USP9X: variants seen among roughly 807,000 people sequenced by gnomAD.
USP9X encodes the protein ubiquitin carboxyl-terminal hydrolase 9X.
Under a neutral mutation model 190.3 loss-of-function variants are expected in USP9X, and 7 were observed. The ratio of observed to expected loss-of-function variants is 0.04; its 90% CI spans 0.02 to 0.07. USP9X has a LOEUF of 0.07. Among genes scored for constraint, USP9X ranks in the 10% least tolerant of loss-of-function variants. The pLI is 1.00. For missense variants in USP9X, 1,010 were observed against 1,916.9 expected, an observed-to-expected ratio of 0.53 and a Z score of 8.83; for synonymous variants, 645 against 659.5, an observed-to-expected ratio of 0.98 and a Z score of 0.34.
rs757987895 is a variant in USP9X at position 41,186,525 on chromosome X, A to G, written c.3567A>G (p.Gln1189=). The G allele has an allele frequency of 5.0e-6, 6 of 1,209,765 alleles. No individual in the cohort carries two copies. The East Asian group carries it at 8.9e-5, about 18-fold the overall frequency. The change falls in exon 24 of 45, where the codon CAA becomes CAG. Residue 1189 remains glutamine (Q), a synonymous_variant. Coordinates refer to ENST00000378308, the MANE Select transcript of USP9X (RefSeq NM_001039591.3). Reference sequence around the variant, plus strand: ...TGGTTAACTTTTTTCAGATCAACCAAGTTACCCATGATCAAGCAGTGGTGC... The same window carrying G: ...TGGTTAACTTTTTTCAGATCAACCAGGTTACCCATGATCAAGCAGTGGTGC... ...EGVNPMTQIN[Q]VTHDQAVVLQ...
At chrX:41,090,832 G>C (rs1477900471) in intron 1 of USP9X, among the ~76,000 whole-genome samples, 1 of 110,842 alleles carries the variant, frequency 9.0e-6, no homozygotes, top group African/African-American at 3.3e-5. Context: ...TCAAACACTA[G>C]AAGAGACAGG....
intron 38 of USP9X, among the ~76,000 whole-genome samples, chrX:41,220,467 G>C (rs1267167838): frequency 8.9e-6 from 1 of 112,347 alleles, no homozygotes; most frequent in Non-Finnish European, 1.9e-5. Context: ...TTGGATTTAA[G>C]AAAAGCAAGG....
chrX:41,194,651 T>C (rs1705223084), intron 26 of USP9X, among the ~76,000 whole-genome samples: 3 of 111,996 alleles, frequency 2.7e-5, no homozygotes, highest in Admixed American at 1.9e-4. Context: ...GTGATGTCTA[T>C]AAGATATTCA....
intron 1 of USP9X, among the ~76,000 whole-genome samples, chrX:41,111,111 G>T (rs2146958804): frequency 9.2e-6 from 1 of 108,964 alleles, no homozygotes; most frequent in East Asian, 2.9e-4. Flanking sequence ...CCTCCACCTC[G>T]CAAATTCATA....
rs974758362 is a variant in USP9X, at chrX:41,180,965, A to G, written c.3149-3033A>G. Among the ~76,000 whole-genome samples the G allele has an allele frequency of 2.7e-5, 3 of 111,723 alleles. No individual in the cohort carries two copies. In the Admixed American group the frequency reaches 2.9e-4, roughly 11 times the overall value. ...ATTCTCTCTTTCCCCTCCATTTAAA[A>G]TACATCCAAGAGTGCACAAATGCTA... On this transcript the variant is annotated intron_variant, in intron 21 of 44. Coordinates refer to ENST00000378308, the MANE Select transcript of USP9X (RefSeq NM_001039591.3).
intron 5 of USP9X, 43 bp downstream of exon 5, chrX:41,134,880 G>C: frequency 9.8e-7 from 1 of 1,023,280 alleles, no homozygotes; most frequent in Non-Finnish European, 1.4e-6. Context: ...TTTACATAGT[G>C]ATGCCTGTGA....
At chrX:41,123,285 A>G (rs1264746606) in intron 1 of USP9X, among the ~76,000 whole-genome samples, 186 bp from the exon 2 acceptor site, 1 of 112,179 alleles carries the variant, frequency 8.9e-6, no homozygotes, top group Middle Eastern at 4.6e-3. Flanking sequence ...TATAATGGCC[A>G]GTGTACCAAT....
At chrX:41,142,182 A>G (rs994312871) in intron 9 of USP9X, among the ~76,000 whole-genome samples, 3 of 111,384 alleles carry the variant, frequency 2.7e-5, no homozygotes, top group African/African-American at 9.8e-5. Flanking sequence ...TTTCATACAT[A>G]TGATGTACGT....
chrX:41,174,259 G>A (rs1602000332), intron 21 of USP9X, among the ~76,000 whole-genome samples: 3 of 111,790 alleles, frequency 2.7e-5, no homozygotes, highest in South Asian at 3.7e-4. Context: ...GATGTGCATC[G>A]GTTGTATACA....
At chrX:41,099,122 T>TTA (rs1491020184) in intron 1 of USP9X, among the ~76,000 whole-genome samples, 1 of 77,959 alleles carries the variant, frequency 1.3e-5, no homozygotes, top group East Asian at 3.7e-4. Context: ...TTTTTTTTTT[T>TTA]AAACAGAGAT....
At chrX:41,193,298 A>G (rs2062953707) in intron 26 of USP9X, among the ~76,000 whole-genome samples, 1 of 111,604 alleles carries the variant, frequency 9.0e-6, no homozygotes, top group South Asian at 3.8e-4. Flanking sequence ...TAACTTTGTA[A>G]GTTTATTCTG....
chrX:41,234,097 A>G lies in USP9X; in HGVS notation c.*1573A>G, dbSNP rs1170178023. ...GCATATTAAAATTCATTCTGTGCATAGCATGCCTAGGCATGACACTGATTC... is the reference window on the plus strand; with the variant it reads ...GCATATTAAAATTCATTCTGTGCATGGCATGCCTAGGCATGACACTGATTC... On this transcript the variant is annotated 3_prime_UTR_variant, in exon 45 of 45. Transcript: ENST00000378308. 9.7e-6 allele frequency: 1 copy of G among 103,301 alleles called. No homozygotes were observed. The highest frequency in any genetic ancestry group is 3.0e-4 in the East Asian group (1 of 3,323). The allele number at this position is 103,301 out of a possible 1,213,427, so 8.5% of individuals were successfully genotyped here.
intron 23 of USP9X, among the ~76,000 whole-genome samples, chrX:41,185,775 A>G (rs2062868343): frequency 9.0e-6 from 1 of 111,042 alleles, no homozygotes; most frequent in Non-Finnish European, 1.9e-5. Flanking sequence ...AAACAATTAC[A>G]TGTTTCCACT....
chrX:41,141,526 TTAAAG>T (rs2062422901), intron 9 of USP9X, 95 bp downstream of exon 9: 14 of 887,565 alleles, frequency 1.6e-5, no homozygotes, highest in Non-Finnish European at 1.5e-6. Context: ...TAGTAACATT[TTAAAG>T]TAAACTGAAA....
chrX:41,170,674 G>A, intron 20 of USP9X, 55 bp downstream of exon 20: 1 of 1,111,491 alleles, frequency 9.0e-7, no homozygotes. Flanking sequence ...TAGGGTTTTT[G>A]AGAATAAAGT....
In USP9X at chrX:41,152,673, G is replaced by A. The variant is rs7877258; in HGVS notation, c.1764-275G>A. Among the ~76,000 whole-genome samples the A allele has an allele frequency of 0.19, 21,495 of 111,284 alleles. 1,592 individuals carry two copies. Among genetic ancestry groups the A allele is most frequent in the Admixed American group, 0.27 (2,795 of 10,487 alleles). ...TACATAACATAAGTGCTTTGGTACA[G>A]TTATAGTATAGACATTAGTCATTGA... On this transcript the variant is annotated intron_variant, in intron 13 of 44. Transcript: ENST00000378308.
At chrX:41,088,991 C>T (rs956580498) in intron 1 of USP9X, among the ~76,000 whole-genome samples, 1 of 111,677 alleles carries the variant, frequency 9.0e-6, no homozygotes, top group African/African-American at 3.3e-5. Context: ...AAAACTGATC[C>T]CTGGGTTCCA....
chrX:41,227,347 G>GA (rs1346342868), intron 41 of USP9X, among the ~76,000 whole-genome samples: 1 of 111,644 alleles, frequency 9.0e-6, no homozygotes, highest in Admixed American at 9.5e-5. Context: ...ATTGTTACTT[G>GA]AAAAAACTGA....
chrX:41,153,550 T>C (rs2062549091), intron 14 of USP9X, among the ~76,000 whole-genome samples: 1 of 112,608 alleles, frequency 8.9e-6, no homozygotes, highest in Non-Finnish European at 1.9e-5. Context: ...TCTAGATGTT[T>C]ACATTGGCAT....
Sources: allele counts gnomAD v4.1 joint callset (sites outside exome capture counted in the v4.1 genomes callset), GRCh38; gene constraint gnomAD v4.1.1; transcripts MANE v1.5; gene names NCBI Gene and HGNC (gene_info 2026-07-23, HGNC 2026-07-21).